USH2A: variants seen among roughly 807,000 people sequenced by gnomAD.
The protein encoded by USH2A is usherin.
Under a neutral mutation model 538.9 loss-of-function variants are expected in USH2A, and 443 were observed. That is an observed-to-expected ratio of 0.82 (90% CI 0.76 to 0.89). USH2A has a LOEUF of 0.89. USH2A is among the 40% of genes least tolerant of loss of function. The pLI, the probability that USH2A is intolerant of heterozygous loss-of-function variation, is 0.00. For synonymous variants in USH2A, 2,413 were observed against 2,273.5 expected, an observed-to-expected ratio of 1.06 and a Z score of -1.75; for missense variants, 6,633 against 6,324.8, an observed-to-expected ratio of 1.05 and a Z score of -1.65.
intron 3 of USH2A, among the ~76,000 whole-genome samples, chr1:216,392,723 A>T (rs1476246843): frequency 6.6e-6 from 1 of 152,188 alleles, no homozygotes; most frequent in African/African-American, 2.4e-5. Context: ...GGTTAATAAC[A>T]TATATAATAT....
intron 21 of USH2A, among the ~76,000 whole-genome samples, chr1:216,164,086 C>A (rs971805542): frequency 1.3e-5 from 2 of 152,034 alleles, no homozygotes; most frequent in South Asian, 4.1e-4. Flanking sequence ...AGACTTTAAG[C>A]TCCCTAAGGT....
intron 61 of USH2A, among the ~76,000 whole-genome samples, chr1:215,721,693 C>T (rs1659665147): frequency 6.6e-6 from 1 of 151,866 alleles, no homozygotes; most frequent in South Asian, 2.1e-4. Context: ...TTGTCTAGCC[C>T]AAATTAGACA....
Position 215,662,431 on chromosome 1 carries a change from C to T in USH2A, c.14133+8541G>A, listed in dbSNP as rs149855469. Among the ~76,000 whole-genome samples, 420 of 152,266 alleles carry T rather than the reference C, an allele frequency of 2.8e-3. 3 individuals carry two copies. The highest frequency in any genetic ancestry group is 9.5e-3 in the African/African-American group (396 of 41,556). ...TCACATGGATAACTTGTCCCAAAGG[C>T]GCCATGAAGATTGCCAACAACAGAA... On this transcript the variant is annotated intron_variant, in intron 64 of 71. Coordinates refer to ENST00000307340, the MANE Select transcript of USH2A (RefSeq NM_206933.4).
intron 42 of USH2A, among the ~76,000 whole-genome samples, chr1:215,878,300 G>A (rs920826167): frequency 4.6e-5 from 7 of 152,088 alleles, no homozygotes; most frequent in African/African-American, 1.7e-4. Context: ...TTGGGTGGTT[G>A]CAAAACCATT....
intron 21 of USH2A, among the ~76,000 whole-genome samples, chr1:216,147,497 C>G (rs538515874): frequency 1.3e-5 from 2 of 152,198 alleles, no homozygotes; most frequent in African/African-American, 2.4e-5. Flanking sequence ...CAGTTCATGA[C>G]TTGTTTGGCA....
intron 38 of USH2A, among the ~76,000 whole-genome samples, chr1:215,913,158 T>C (rs1332924809): frequency 6.6e-6 from 1 of 152,130 alleles, no homozygotes; most frequent in African/African-American, 2.4e-5. Context: ...CCATCCTCCT[T>C]TACTCCCTTG....
intron 20 of USH2A, among the ~76,000 whole-genome samples, chr1:216,175,879 G>A (rs769450089): frequency 1.8e-4 from 27 of 152,206 alleles, no homozygotes; most frequent in Non-Finnish European, 3.4e-4. Flanking sequence ...ATGGCTCATG[G>A]CTGCCCCCTT....
At chr1:215,950,940 T>C (rs1666897217) in intron 37 of USH2A, among the ~76,000 whole-genome samples, 1 of 152,218 alleles carries the variant, frequency 6.6e-6, no homozygotes, top group Non-Finnish European at 1.5e-5. Context: ...GATTCTTCTC[T>C]CTTTTCTTCT....
intron 21 of USH2A, among the ~76,000 whole-genome samples, chr1:216,127,739 A>G (rs190144204): frequency 6.6e-6 from 1 of 152,194 alleles, no homozygotes; most frequent in Admixed American, 6.5e-5. Context: ...AGTAAGTTTC[A>G]AAGGATTCAA....
intron 61 of USH2A, among the ~76,000 whole-genome samples, chr1:215,723,369 C>T (rs1659719253): frequency 6.6e-6 from 1 of 152,174 alleles, no homozygotes; most frequent in African/African-American, 2.4e-5. Flanking sequence ...TGCCAGTTCT[C>T]CATCCACTGC....
At chr1:215,645,609 C>T (rs762841727) in intron 67 of USH2A, among the ~76,000 whole-genome samples, 3 of 152,190 alleles carry the variant, frequency 2.0e-5, no homozygotes, top group African/African-American at 4.8e-5. Flanking sequence ...TGATCTGTTA[C>T]TAACATCCTA....
intron 4 of USH2A, among the ~76,000 whole-genome samples, chr1:216,338,489 C>A (rs1159538883): frequency 4.0e-5 from 6 of 151,470 alleles, no homozygotes; most frequent in African/African-American, 1.4e-4. Flanking sequence ...CAATATATAT[C>A]ATGATAAAAG....
At chr1:216,220,916 C>T (rs1477376139) in intron 14 of USH2A, among the ~76,000 whole-genome samples, 1 of 152,090 alleles carries the variant, frequency 6.6e-6, no homozygotes, top group East Asian at 1.9e-4. Flanking sequence ...AGAAAGAGAT[C>T]TCCAATTGCT....
intron 9 of USH2A, among the ~76,000 whole-genome samples, chr1:216,316,366 CA>C (rs1190791043): frequency 6.6e-6 from 1 of 152,104 alleles, no homozygotes; most frequent in Non-Finnish European, 1.5e-5. Flanking sequence ...TTTCTCTACT[CA>C]GAATAATTAA....
At chr1:216,174,514 T>C (rs2034334485) in intron 21 of USH2A, 3 of 985,468 alleles carry the variant, frequency 3.0e-6, no homozygotes, top group Non-Finnish European at 3.6e-6. Flanking sequence ...TCTGTCTTTA[T>C]TTAAGCTTTT....
At position 215,625,770 on chromosome 1, in the gene USH2A, G is replaced by A. The variant is rs777230426; in HGVS notation, c.*11C>T. On this transcript the variant is annotated 3_prime_UTR_variant, in exon 72 of 72. Transcript: ENST00000307340. ...TGCATTCCAGGGTTACGTCTTCTGG[G>A]TTTCCATCCTTTACAGGTGGGTGTC... 1.9e-6 allele frequency: 3 copies of A among 1,613,914 alleles called. No individual in the cohort carries two copies. Among genetic ancestry groups the A allele is most frequent in the South Asian group, 1.1e-5 (1 of 91,072 alleles).
At chr1:216,190,436 G>C (rs1467519556) in intron 19 of USH2A, 69 bp from the exon 20 acceptor site, 21 of 1,573,394 alleles carry the variant, frequency 1.3e-5, no homozygotes, top group Admixed American at 3.5e-5. Flanking sequence ...ATATAACCTT[G>C]GCAGTCAAAG....
At chr1:215,941,929 G>A (rs1343603705) in intron 37 of USH2A, among the ~76,000 whole-genome samples, 2 of 152,028 alleles carry the variant, frequency 1.3e-5, no homozygotes, top group Admixed American at 6.6e-5. Flanking sequence ...GTTACCTATC[G>A]ATGTGTCATG....
At chr1:215,711,669 AC>A (rs1463624568) in intron 61 of USH2A, among the ~76,000 whole-genome samples, 1 of 152,156 alleles carries the variant, frequency 6.6e-6, no homozygotes, top group East Asian at 1.9e-4. Flanking sequence ...AGTCATTCTA[AC>A]CATTCAATTT....
Sources: allele counts gnomAD v4.1 joint callset (sites outside exome capture counted in the v4.1 genomes callset), GRCh38; gene constraint gnomAD v4.1.1; transcripts MANE v1.5; gene names NCBI Gene and HGNC (gene_info 2026-07-23, HGNC 2026-07-21).